Variants in C2orf76 observed in about 807,000 individuals in gnomAD.
C2orf76 encodes UPF0538 protein C2orf76.
A neutral mutation model predicts 16.9 loss-of-function variants in C2orf76; 23 were observed. The observed-to-expected ratio is 1.36, with a 90% confidence interval of 0.98 to 1.93. C2orf76 has a LOEUF of 1.93. Among genes scored for constraint, C2orf76 ranks in the 30% most tolerant of loss-of-function variants. The probability of loss-of-function intolerance (pLI) is 0.00; values close to 1 mark genes in which losing one functional copy is unlikely to be tolerated. For synonymous variants in C2orf76, 48 were observed against 52.3 expected (o/e 0.92, Z 0.35); for missense variants, 152 against 152.6 (o/e 1.00, Z 0.02).
chr2:119,346,978 A>C (rs930944002), intron 1 of C2orf76, among the ~76,000 whole-genome samples: 1 of 152,238 alleles, frequency 6.6e-6, no homozygotes, highest in African/African-American at 2.4e-5. Flanking sequence ...GTGAATCTAC[A>C]ATTATCCCAA....
chr2:119,313,587 T>C (rs533708355), intron 4 of C2orf76, among the ~76,000 whole-genome samples: 1 of 113,142 alleles, frequency 8.8e-6, no homozygotes, highest in East Asian at 2.2e-4. Flanking sequence ...CAGAGTGAGA[T>C]TGTGTCTCAA....
intron 4 of C2orf76, 121 bp from the exon 5 acceptor site, chr2:119,311,824 C>A: frequency 1.1e-6 from 1 of 926,664 alleles, no homozygotes; most frequent in South Asian, 1.7e-5. Context: ...GATTCCACTG[C>A]CCTGGCCGTA....
intron 5 of C2orf76, among the ~76,000 whole-genome samples, chr2:119,309,397 T>A (rs1240775650): frequency 7.4e-6 from 1 of 135,128 alleles, no homozygotes; most frequent in African/African-American, 3.0e-5. Context: ...TTTCTCTTTT[T>A]CTTTTTTTTT....
intron 3 of C2orf76, among the ~76,000 whole-genome samples, chr2:119,317,758 A>G (rs1012270232): frequency 6.6e-6 from 1 of 152,072 alleles, no homozygotes; most frequent in South Asian, 2.1e-4. Flanking sequence ...CTTTTTGTCA[A>G]CTCAGCACAT....
At chr2:119,292,880 C>T in the C2orf76 span, among the ~76,000 whole-genome samples, 2 of 151,090 alleles carry the variant, frequency 1.3e-5, no homozygotes, top group African/African-American at 4.8e-5. Context: ...ACTAAAAATA[C>T]AAAAATTAGC....
intron 5 of C2orf76, among the ~76,000 whole-genome samples, chr2:119,307,417 C>T (rs561540344): frequency 2.6e-4 from 38 of 147,402 alleles, no homozygotes; most frequent in Middle Eastern, 3.5e-3. Flanking sequence ...CTAGCCTGGG[C>T]GACAGAGAGA....
chr2:119,356,431 G>A (rs1352227360), intron 1 of C2orf76, among the ~76,000 whole-genome samples: 2 of 149,264 alleles, frequency 1.3e-5, no homozygotes, highest in African/African-American at 4.9e-5. Flanking sequence ...AAAATACACT[G>A]AACTGAATGA....
chr2:119,313,007 G>A (rs1379083479), intron 4 of C2orf76, among the ~76,000 whole-genome samples: 1 of 145,474 alleles, frequency 6.9e-6, no homozygotes, highest in African/African-American at 2.6e-5. Flanking sequence ...CAGCCTGGGC[G>A]ACAGAGCAAG....
At chr2:119,324,439 T>A (rs1004715123) in intron 2 of C2orf76, among the ~76,000 whole-genome samples, 1 of 152,150 alleles carries the variant, frequency 6.6e-6, no homozygotes, top group South Asian at 2.1e-4. Context: ...AATTTATAAA[T>A]TCCTCGGGAT....
At chr2:119,366,738 C>G in intron 1 of C2orf76, 52 bp downstream of exon 1, 1 of 526,968 alleles carries the variant, frequency 1.9e-6, no homozygotes, top group Non-Finnish European at 3.4e-6. Context: ...GAACCCAACT[C>G]TCGACCAACT....
chr2:119,315,279 A>G (rs1679132476), intron 4 of C2orf76, among the ~76,000 whole-genome samples: 1 of 152,254 alleles, frequency 6.6e-6, no homozygotes, highest in East Asian at 1.9e-4. Context: ...ATTTCTGAGG[A>G]TATGTAGTAA....
At chr2:119,331,193 T>C (rs565034068) in intron 2 of C2orf76, among the ~76,000 whole-genome samples, 2 of 152,310 alleles carry the variant, frequency 1.3e-5, no homozygotes, top group South Asian at 2.1e-4. Context: ...GTTAAATTAC[T>C]TGGAAACAAT....
chr2:119,341,552 C>A (rs1322735984), intron 1 of C2orf76, among the ~76,000 whole-genome samples: 1 of 152,156 alleles, frequency 6.6e-6, no homozygotes, highest in African/African-American at 2.4e-5. Flanking sequence ...CATCGCTTTT[C>A]ATTTATCTAT....
At chr2:119,356,886 C>A (rs1433923939) in intron 1 of C2orf76, among the ~76,000 whole-genome samples, 1 of 152,106 alleles carries the variant, frequency 6.6e-6, no homozygotes, top group Non-Finnish European at 1.5e-5. Flanking sequence ...ACATACATTT[C>A]ACAGCACAGA....
At chr2:119,353,454 T>C (rs1680465874) in intron 1 of C2orf76, among the ~76,000 whole-genome samples, 1 of 152,182 alleles carries the variant, frequency 6.6e-6, no homozygotes, top group South Asian at 2.1e-4. Context: ...ATTTTAACTC[T>C]TGGATGGAGA....
At chr2:119,344,542 T>C (rs928466018) in intron 1 of C2orf76, among the ~76,000 whole-genome samples, 1 of 152,140 alleles carries the variant, frequency 6.6e-6, no homozygotes, top group Non-Finnish European at 1.5e-5. Flanking sequence ...AATTGACCCA[T>C]TGAATAAAAT....
chr2:119,314,787 G>T (rs1489507670), intron 4 of C2orf76, among the ~76,000 whole-genome samples: 1 of 152,144 alleles, frequency 6.6e-6, no homozygotes, highest in Non-Finnish European at 1.5e-5. Flanking sequence ...AATTAAGAGA[G>T]AACTGATTTT....
intron 5 of C2orf76, chr2:119,311,291 C>A (rs1678977460): frequency 1.0e-6 from 1 of 985,338 alleles, no homozygotes; most frequent in South Asian, 4.7e-5. Flanking sequence ...CCATTTCTCT[C>A]CAACCATCGG....
downstream of C2orf76, among the ~76,000 whole-genome samples, chr2:119,301,947 A>C (rs756755375): frequency 1.3e-5 from 2 of 151,914 alleles, no homozygotes; most frequent in Non-Finnish European, 2.9e-5. Context: ...ACCTTCCTAC[A>C]TCATAAAACC....
Sources: allele counts gnomAD v4.1 joint callset (sites outside exome capture counted in the v4.1 genomes callset), GRCh38; gene constraint gnomAD v4.1.1; transcripts MANE v1.5; gene names NCBI Gene and HGNC (gene_info 2026-07-23, HGNC 2026-07-21).